Variants in TNR observed in about 807,000 individuals in gnomAD.
TNR encodes tenascin-R.
In TNR, 45 loss-of-function variants were observed where a neutral mutation model predicts 150.4. The ratio of observed to expected loss-of-function variants is 0.30; its 90% CI spans 0.24 to 0.38. TNR has a LOEUF of 0.38. Among genes scored for constraint, TNR ranks in the 10% least tolerant of loss-of-function variants. The probability of loss-of-function intolerance (pLI) is 1.00; values close to 1 mark genes in which losing one functional copy is unlikely to be tolerated. For missense variants in TNR, 1,544 were observed against 1,759.1 expected (o/e 0.88, Z 2.19); for synonymous variants, 687 against 678.4 (o/e 1.01, Z -0.20).
intron 2 of TNR, among the ~76,000 whole-genome samples, chr1:175,453,140 A>G (rs1318206605): frequency 6.6e-6 from 1 of 152,204 alleles, no homozygotes; most frequent in Non-Finnish European, 1.5e-5. Flanking sequence ...AACAAAAGAC[A>G]AAAGAGAACC....
rs550517933 is a variant in TNR, at chr1:175,623,866, G to C, written c.-164-95497C>G. On this transcript the variant is annotated intron_variant, in intron 1 of 22. Transcript: ENST00000367674. ...CTGAAGTGCTCCGGGGCCCACACTG[G>C]TTACAGGTGAAGCCAAGGCTTGGGC... Among the ~76,000 whole-genome samples the C allele has an allele frequency of 2.4e-3, 361 of 152,342 alleles. 1 individual carries two copies. Among genetic ancestry groups the C allele is most frequent in the African/African-American group, 8.2e-3 (339 of 41,574 alleles).
chr1:175,481,114 G>A (rs1657792569), intron 2 of TNR, among the ~76,000 whole-genome samples: 1 of 152,202 alleles, frequency 6.6e-6, no homozygotes, highest in South Asian at 2.1e-4. Context: ...CTGGACCAGC[G>A]AGAGAGAAAA....
chr1:175,349,790 G>T (rs1302401471), intron 18 of TNR, among the ~76,000 whole-genome samples: 5 of 152,182 alleles, frequency 3.3e-5, no homozygotes, highest in Non-Finnish European at 7.3e-5. Flanking sequence ...GCATGGAAAT[G>T]GTTTGTTCAA....
rs113738216 is a variant in TNR, at chr1:175,597,562, G to C, written c.-164-69193C>G. On this transcript the variant is annotated intron_variant, in intron 1 of 22. Transcript: ENST00000367674. ...TGCTAAAAGTTCAAATTGTACCCAA[G>C]AGCTGAATTTTCAGAGGCCTTCCTT... Among the ~76,000 whole-genome samples, 1,419 of 152,342 alleles carry C rather than the reference G, an allele frequency of 9.3e-3. 12 individuals are homozygous for C. The highest frequency in any genetic ancestry group is 0.028 in the African/African-American group (1,179 of 41,570).
rs1665343285 is a variant in TNR at position 175,660,775 on chromosome 1, G to A, written c.-165+82451C>T. ...GAGGAACAGCTCAAGAAAGTAGCTG[G>A]ACAAACCATGGAGCACTGAGTCTAC... On this transcript the variant is annotated intron_variant, in intron 1 of 22. Transcript: ENST00000367674. 2.0e-5 allele frequency among the ~76,000 whole-genome samples: 3 copies of A among 152,264 alleles called. No homozygotes were observed. The South Asian group carries it at 6.2e-4, about 32-fold the overall frequency.
intron 2 of TNR, among the ~76,000 whole-genome samples, chr1:175,523,871 C>T (rs1659742269): frequency 6.6e-6 from 1 of 152,194 alleles, no homozygotes; most frequent in African/African-American, 2.4e-5. Flanking sequence ...GTCTGTCATT[C>T]TGTGAAGCCT....
At chr1:175,436,959 T>G (rs578239220) in intron 2 of TNR, among the ~76,000 whole-genome samples, 1 of 152,248 alleles carries the variant, frequency 6.6e-6, no homozygotes, top group South Asian at 2.1e-4. Context: ...ATTGTCAACA[T>G]TAGACAGATC....
intron 1 of TNR, among the ~76,000 whole-genome samples, chr1:175,713,511 C>T (rs1009564482): frequency 6.6e-6 from 1 of 152,174 alleles, no homozygotes; most frequent in Non-Finnish European, 1.5e-5. Context: ...CTCCACAACT[C>T]GCTACTCCCC....
intron 1 of TNR, among the ~76,000 whole-genome samples, chr1:175,719,600 G>A (rs1003775810): frequency 2.0e-5 from 3 of 152,188 alleles, no homozygotes; most frequent in East Asian, 1.9e-4. Flanking sequence ...TCAAAAACAC[G>A]TTCATTTGTT....
Position 175,367,259 on chromosome 1 carries a change from C to T in TNR, c.2002G>A (p.Ala668Thr). Reference protein sequence around the residue: ...PGTEYGVGISAVMNSQQSVPA... With the variant: ...PGTEYGVGISTVMNSQQSVPA... ...ACGCTTTGCTGTGAGTTCATGACGG[C>T]AGATATTCCAACTCCATACTCAGTG... Residue 668 changes from alanine (A) to threonine (T), a missense_variant, in exon 10 of 23, where the codon GCC (alanine) becomes ACC (threonine). Physicochemically the swap from Ala to Thr is moderately conservative, Grantham distance 58 (BLOSUM62 0). Coordinates refer to ENST00000367674, the MANE Select transcript of TNR (RefSeq NM_003285.3). 1 of 1,614,142 alleles carries T rather than the reference C, an allele frequency of 6.2e-7. No homozygotes were observed. Among genetic ancestry groups the T allele is most frequent in the South Asian group, 1.1e-5 (1 of 91,076 alleles).
At chr1:175,326,904 G>A (rs1204356747) in intron 21 of TNR, among the ~76,000 whole-genome samples, 1 of 151,938 alleles carries the variant, frequency 6.6e-6, no homozygotes, top group Non-Finnish European at 1.5e-5. Flanking sequence ...CTGACCTCAT[G>A]ATCTGCCCGC....
intron 1 of TNR, among the ~76,000 whole-genome samples, chr1:175,654,895 T>C (rs111523751): frequency 0.019 from 2,858 of 152,150 alleles, 74 homozygotes; most frequent in African/African-American, 0.065. Flanking sequence ...ATTTTGTTTT[T>C]GTATTTTTAG....
intron 8 of TNR, among the ~76,000 whole-genome samples, chr1:175,380,444 G>A (rs931220251): frequency 3.9e-5 from 6 of 152,070 alleles, no homozygotes; most frequent in Admixed American, 6.5e-5. Context: ...GGTGCCCAGC[G>A]CCTGTAGTCT....
At chr1:175,435,039 G>A (rs1655438787) in intron 2 of TNR, among the ~76,000 whole-genome samples, 1 of 152,174 alleles carries the variant, frequency 6.6e-6, no homozygotes, top group African/African-American at 2.4e-5. Context: ...GTTAGACTGT[G>A]AGCTCCTTAA....
Position 175,655,684 on chromosome 1 carries a change from C to T in TNR, c.-165+87542G>A, listed in dbSNP as rs1159176882. On this transcript the variant is annotated intron_variant, in intron 1 of 22. Transcript: ENST00000367674. The stretch of plus-strand genomic sequence containing the variant: ...AGTGTTATTAGTGCAGCTTATCCCA[C>T]CACCATTAGCAAAGAAACAGCCATG... 2.6e-5 allele frequency among the ~76,000 whole-genome samples: 4 copies of T among 152,326 alleles called. No homozygotes were observed. In the South Asian group the frequency reaches 8.3e-4, roughly 32 times the overall value.
chr1:175,537,381 G>T (rs988025349), intron 1 of TNR, among the ~76,000 whole-genome samples: 13 of 152,124 alleles, frequency 8.5e-5, no homozygotes, highest in African/African-American at 2.4e-4. Context: ...CCTTTAAATG[G>T]CTCTTGTAGG....
intron 2 of TNR, among the ~76,000 whole-genome samples, chr1:175,436,757 T>C (rs1188968819): frequency 2.0e-5 from 3 of 152,140 alleles, no homozygotes; most frequent in African/African-American, 7.2e-5. Flanking sequence ...CAGACTTCTT[T>C]AAACCAACAA....
At chr1:175,539,134 G>A (rs993311374) in intron 1 of TNR, 1 of 152,206 alleles carries the variant, frequency 6.6e-6, no homozygotes, top group Non-Finnish European at 1.5e-5. Context: ...CCAGAGGCAT[G>A]CTCCCAAATA....
chr1:175,632,315 C>G (rs1054364120), intron 1 of TNR, among the ~76,000 whole-genome samples: 9 of 152,218 alleles, frequency 5.9e-5, no homozygotes, highest in Non-Finnish European at 1.3e-4. Context: ...CCCCCGTGCA[C>G]TGTTGTCAAC....
Sources: gnomAD v4.1 joint callset for allele counts (sites outside exome capture counted in the v4.1 genomes callset) on GRCh38, gnomAD v4.1.1 for gene constraint, MANE v1.5 for transcripts, NCBI Gene and HGNC (gene_info 2026-07-23, HGNC 2026-07-21) for gene names.